The following DUSP16 variants were observed in gnomAD, a reference collection of about 807,000 sequenced individuals.
DUSP16 encodes dual specificity protein phosphatase 16.
DUSP16 carries 21 observed loss-of-function variants against 58.3 expected under a neutral mutation model. The observed-to-expected ratio is 0.36, with a 90% CI of 0.26 to 0.52. The LOEUF is 0.52. Ranked by LOEUF, DUSP16 falls within the 20% of genes least tolerant of loss-of-function variation. The probability of loss-of-function intolerance (pLI) is 0.94; values close to 1 mark genes in which losing one functional copy is unlikely to be tolerated. For missense variants in DUSP16, 726 were observed against 819.0 expected, an observed-to-expected ratio of 0.89 and a Z score of 1.39; for synonymous variants, 320 against 323.8, an observed-to-expected ratio of 0.99 and a Z score of 0.12.
chr12:12,538,270 T>C (rs79635261), intron 1 of DUSP16, among the ~76,000 whole-genome samples: 2,130 of 152,274 alleles, frequency 0.014, 50 homozygotes, highest in African/African-American at 0.049. Flanking sequence ...CTGGAGGACA[T>C]AGAGGCATAA....
chr12:12,538,876 C>T (rs1181617241), intron 1 of DUSP16, among the ~76,000 whole-genome samples: 1 of 152,164 alleles, frequency 6.6e-6, no homozygotes, highest in African/African-American at 2.4e-5. Flanking sequence ...TCAGGTAATC[C>T]TCCCACCTAT....
Position 12,476,641 on chromosome 12 carries a change from A to C in DUSP16, c.*192T>G, listed in dbSNP as rs1197227269. ...CTGCCCTTCCATTTTTGTTGAGAGA[A>C]GTATTAGCTGATCTCTCAAATGCAG... On this transcript the variant is annotated 3_prime_UTR_variant, in exon 7 of 7. Coordinates refer to ENST00000298573, the MANE Select transcript of DUSP16 (RefSeq NM_030640.3). The C allele has an allele frequency of 5.9e-6, 3 of 506,304 alleles. No individual in the cohort carries two copies. The highest frequency in any genetic ancestry group is 4.0e-5 in the African/African-American group (2 of 50,410). The allele number at this position is 506,304 out of a possible 1,614,324, so 31.4% of individuals were successfully genotyped here. A position where few individuals can be genotyped will look rare whatever the true frequency, so the allele number is the denominator to read the frequency against.
intron 3 of DUSP16, among the ~76,000 whole-genome samples, chr12:12,508,163 GTACTT>G (rs1356149177): frequency 1.3e-5 from 2 of 152,140 alleles, no homozygotes; most frequent in Non-Finnish European, 2.9e-5. Flanking sequence ...TTGCAGTAAA[GTACTT>G]TAATTGCTCT....
intron 1 of DUSP16, among the ~76,000 whole-genome samples, chr12:12,553,168 T>C (rs1032902543): frequency 1.3e-5 from 2 of 152,202 alleles, no homozygotes; most frequent in East Asian, 1.9e-4. Context: ...ACATAGTCTA[T>C]ATAAACAAAA....
intron 1 of DUSP16, among the ~76,000 whole-genome samples, chr12:12,526,399 G>C (rs117375859): frequency 6.6e-6 from 1 of 152,208 alleles, no homozygotes; most frequent in East Asian, 1.9e-4. Flanking sequence ...TTTATTTCTT[G>C]AAATTCACTC....
intron 4 of DUSP16, chr12:12,491,088 A>G (rs1023119500): frequency 3.9e-5 from 6 of 152,272 alleles, no homozygotes; most frequent in Non-Finnish European, 7.3e-5. Context: ...AGATGTCGTG[A>G]AATCTCTGGA....
Position 12,476,927 on chromosome 12 carries a change from C to T in DUSP16, c.1904G>A (p.Ser635Asn). The change falls in exon 7 of 7, where the codon AGC (serine) becomes AAC (asparagine). Residue 635 changes from serine to asparagine, a missense_variant. Ser to Asn is a conservative substitution (Grantham distance 46). Coordinates refer to ENST00000298573, the MANE Select transcript of DUSP16 (RefSeq NM_030640.3). ...RRSCQMEFGE[S>N]IMSENRSREE... ...CCGTGACCTGTTCTCTGACATGATGCTCTCTCCAAATTCCATTTGGCAGCT... is the reference window on the plus strand; with the variant it reads ...CCGTGACCTGTTCTCTGACATGATGTTCTCTCCAAATTCCATTTGGCAGCT... 1 of 1,614,090 alleles carries T rather than the reference C, an allele frequency of 6.2e-7. No individual in the cohort carries two copies. The highest frequency in any genetic ancestry group is 1.1e-5 in the South Asian group (1 of 91,076).
intron 3 of DUSP16, among the ~76,000 whole-genome samples, chr12:12,517,417 C>T (rs1944169783): frequency 6.6e-6 from 1 of 152,148 alleles, no homozygotes; most frequent in South Asian, 2.1e-4. Flanking sequence ...AGTTATTTCT[C>T]CCCAACCAAA....
chr12:12,500,699 T>A lies in DUSP16; in HGVS notation c.368-17A>T. ...CAAACCCACCTAAGAATAAACATTA[T>A]AAAATTATAAAAAATTATGCCACGC... On this transcript the variant is annotated splice_polypyrimidine_tract_variant and intron_variant, in intron 3 of 6. Coordinates refer to ENST00000298573, the MANE Select transcript of DUSP16 (RefSeq NM_030640.3). 6.6e-7 allele frequency: 1 copy of A among 1,521,522 alleles called. No homozygotes were observed. Among genetic ancestry groups the A allele is most frequent in the Non-Finnish European group, 8.8e-7 (1 of 1,140,228 alleles). 94.3% of individuals were successfully genotyped at this position (1,521,522 alleles called of 1,614,324 possible).
chr12:12,544,326 T>C (rs777684150), intron 1 of DUSP16, among the ~76,000 whole-genome samples: 16 of 152,224 alleles, frequency 1.1e-4, no homozygotes, highest in Admixed American at 2.6e-4. Context: ...TAGTATCTCA[T>C]TGAATATACA....
intron 3 of DUSP16, chr12:12,505,988 C>T (rs1181381755): frequency 6.6e-6 from 1 of 152,158 alleles, no homozygotes; most frequent in Non-Finnish European, 1.5e-5. Flanking sequence ...TTCCAGAAAA[C>T]CCTACCTCAG....
intron 1 of DUSP16, among the ~76,000 whole-genome samples, chr12:12,559,533 T>C (rs1944863379): frequency 2.0e-5 from 3 of 152,216 alleles, no homozygotes; most frequent in Non-Finnish European, 4.4e-5. Context: ...TCCAGTGAAA[T>C]TTTTAGTTCA....
intron 4 of DUSP16, among the ~76,000 whole-genome samples, chr12:12,489,190 A>G (rs1202705722): frequency 6.6e-6 from 1 of 152,164 alleles, no homozygotes; most frequent in Non-Finnish European, 1.5e-5. Context: ...AACTAGGTGG[A>G]TTTCTTAGAT....
intron 4 of DUSP16, among the ~76,000 whole-genome samples, chr12:12,498,234 A>G (rs1943858878): frequency 6.6e-6 from 1 of 152,122 alleles, no homozygotes; most frequent in Non-Finnish European, 1.5e-5. Flanking sequence ...CTAAAACTCA[A>G]CTGGATAATG....
At chr12:12,520,090 G>A (rs926210803) in intron 2 of DUSP16, 90 bp from the exon 3 acceptor site, 2 of 1,236,086 alleles carry the variant, frequency 1.6e-6, no homozygotes, top group African/African-American at 3.0e-5. Context: ...CAGTGCTGGG[G>A]CGAATAATTG....
Position 12,477,167 on chromosome 12 carries a change from C to T in DUSP16, c.1664G>A (p.Ser555Asn), listed in dbSNP as rs996303764. The T allele has an allele frequency of 6.8e-6, 11 of 1,614,190 alleles. No homozygotes were observed. Among genetic ancestry groups the T allele is most frequent in the Non-Finnish European group, 9.3e-6 (11 of 1,180,042 alleles). Residue 555 changes from serine to asparagine, a missense_variant, in exon 7 of 7, where the codon AGC becomes AAC. Transcript: ENST00000298573. This position sits in a 1 kb window ranked among gnomAD's most constrained non-coding sequence, Gnocchi z 4.1. ...APQTSTPSLTSSWYFATESSH... is the reference protein window; with the variant it reads ...APQTSTPSLTNSWYFATESSH... ...GGACTCTGTGGCAAAATACCAGCTG[C>T]TGGTCAGGGAAGGGGTAGAGGTCTG...
Position 12,475,455 on chromosome 12 carries a change from C to T in DUSP16, c.*1378G>A, listed in dbSNP as rs565194770. 1 of 152,382 alleles carries T rather than the reference C, an allele frequency of 6.6e-6. No homozygotes were observed. Among genetic ancestry groups the T allele is most frequent in the East Asian group, 1.9e-4 (1 of 5,196 alleles). 9.4% of individuals were successfully genotyped at this position (152,382 alleles called of 1,614,324 possible). On this transcript the variant is annotated 3_prime_UTR_variant, in exon 7 of 7. Coordinates refer to ENST00000298573, the MANE Select transcript of DUSP16 (RefSeq NM_030640.3). ...GCTCCATTTTGATTTGCTTTTTCCA[C>T]TGAAGACACGCCGGCCAGCGTTTCC...
intron 1 of DUSP16, among the ~76,000 whole-genome samples, chr12:12,532,075 G>A (rs1169554441): frequency 1.3e-5 from 2 of 152,016 alleles, no homozygotes; most frequent in South Asian, 2.1e-4. Context: ...GGAGAATGGC[G>A]TGAACCCGGG....
rs576308350 is a variant in DUSP16 at position 12,493,167 on chromosome 12, T to A, written c.532-5980A>T. Among the ~76,000 whole-genome samples the A allele has an allele frequency of 1.2e-4, 18 of 152,290 alleles. No individual in the cohort carries two copies. In the South Asian group the frequency reaches 3.7e-3, roughly 32 times the overall value. On this transcript the variant is annotated intron_variant, in intron 4 of 6. Transcript: ENST00000298573. ...TACTCAACATCTCCACTTGGAAGTA[T>A]AACAGGCATTTCGAACTCAGCGTGT...
Sources: gnomAD v4.1 joint callset for allele counts (sites outside exome capture counted in the v4.1 genomes callset) on GRCh38, gnomAD v4.1.1 for gene constraint, Gnocchi (gnomAD v3.1) non-coding constraint, MANE v1.5 for transcripts, NCBI Gene and HGNC (gene_info 2026-07-23, HGNC 2026-07-21) for gene names.